Variants in CIT observed in about 807,000 individuals in gnomAD.
CIT encodes the protein citron rho-interacting serine/threonine kinase.
CIT carries 79 observed loss-of-function variants against 272.7 expected under a neutral mutation model. The ratio of observed to expected loss-of-function variants is 0.29; its 90% CI spans 0.24 to 0.35. The LOEUF is 0.35. CIT is among the 10% of genes least tolerant of loss of function. CIT has a pLI of 1.00. For missense variants in CIT, 1,909 were observed against 2,618.3 expected, an observed-to-expected ratio of 0.73 and a Z score of 5.91; for synonymous variants, 948 against 995.6, an observed-to-expected ratio of 0.95 and a Z score of 0.90.
intron 9 of CIT, among the ~76,000 whole-genome samples, chr12:119,816,537 A>G (rs1022081031): frequency 5.9e-5 from 9 of 152,222 alleles, no homozygotes; most frequent in African/African-American, 2.2e-4. Flanking sequence ...CAACTCTAAT[A>G]TGCACAGAAA....
intron 5 of CIT, among the ~76,000 whole-genome samples, chr12:119,843,309 C>T (rs986423678): frequency 6.6e-6 from 1 of 152,062 alleles, no homozygotes; most frequent in African/African-American, 2.4e-5. Context: ...GTTTCAACAG[C>T]GGGCTGACTT....
intron 19 of CIT, 87 bp from the exon 20 acceptor site, chr12:119,761,142 A>C: frequency 9.7e-7 from 1 of 1,027,500 alleles, no homozygotes; most frequent in Non-Finnish European, 1.5e-6. Context: ...AAATCTAGGA[A>C]AGAGGAGAAA....
At chr12:119,839,211 C>T (rs779514596) in intron 5 of CIT, among the ~76,000 whole-genome samples, 6 of 152,260 alleles carry the variant, frequency 3.9e-5, no homozygotes, top group African/African-American at 7.2e-5. Flanking sequence ...GCATTTGAAA[C>T]GAAGGACAAA....
intron 3 of CIT, among the ~76,000 whole-genome samples, chr12:119,862,128 G>A (rs1450823926): frequency 6.6e-6 from 1 of 152,096 alleles, no homozygotes; most frequent in African/African-American, 2.4e-5. Flanking sequence ...GGTCTCCCGA[G>A]TAGCTGGAAC....
At chr12:119,791,663 G>A (rs1018015126) in intron 10 of CIT, among the ~76,000 whole-genome samples, 13 of 152,216 alleles carry the variant, frequency 8.5e-5, no homozygotes, top group South Asian at 4.1e-4. Flanking sequence ...GCGGGTGCAC[G>A]CAGCCACCCG....
chr12:119,819,237 T>C (rs1967472602), intron 9 of CIT, among the ~76,000 whole-genome samples: 1 of 152,182 alleles, frequency 6.6e-6, no homozygotes, highest in African/African-American at 2.4e-5. Flanking sequence ...TGGTGACCCA[T>C]GAGCATGGCA....
intron 13 of CIT, among the ~76,000 whole-genome samples, chr12:119,778,183 C>A (rs1963956843): frequency 6.6e-6 from 1 of 152,212 alleles, no homozygotes; most frequent in Non-Finnish European, 1.5e-5. Flanking sequence ...CTTGAGCAAA[C>A]CCTTTAAGTG....
chr12:119,733,106 T>C (rs278108), intron 26 of CIT, among the ~76,000 whole-genome samples: 117,932 of 152,006 alleles, frequency 0.78, 45,906 homozygotes, highest in Middle Eastern at 0.88. Context: ...CTATGGAGTA[T>C]GCAATTGTGC....
At chr12:119,746,181 T>TTA (rs1959369560) in intron 23 of CIT, among the ~76,000 whole-genome samples, 1 of 152,138 alleles carries the variant, frequency 6.6e-6, no homozygotes, top group Non-Finnish European at 1.5e-5. Flanking sequence ...AATAAGGCCC[T>TTA]TATGTTAACA....
rs560037276 is a variant in CIT, at chr12:119,730,447, A to G, written c.3486+48T>C. ...TTTTTATCAAGCGTGCCTTTAAAAG[A>G]AGGAAACGAAAATGTTTTCCTAAAA... On this transcript the variant is annotated intron_variant, in intron 27 of 47. Coordinates refer to ENST00000392521, the MANE Select transcript of CIT (RefSeq NM_001206999.2). 4.5e-5 allele frequency: 69 copies of G among 1,540,884 alleles called. 2 individuals carry two copies. The South Asian group carries it at 8.0e-4, about 18-fold the overall frequency.
At chr12:119,709,049 T>C (rs1957020624) in intron 39 of CIT, among the ~76,000 whole-genome samples, 2 of 152,230 alleles carry the variant, frequency 1.3e-5, no homozygotes, top group South Asian at 2.1e-4. Context: ...TAGAGAGACA[T>C]GATTAAATGC....
At chr12:119,695,570 C>T (rs1257521719) in intron 46 of CIT, among the ~76,000 whole-genome samples, 3 of 152,146 alleles carry the variant, frequency 2.0e-5, no homozygotes, top group Non-Finnish European at 4.4e-5. Context: ...CCAAGGCGGG[C>T]AGATCACTTG....
At chr12:119,741,482 A>G (rs1959055849) in intron 24 of CIT, among the ~76,000 whole-genome samples, 1 of 152,220 alleles carries the variant, frequency 6.6e-6, no homozygotes. Flanking sequence ...CTACATTATT[A>G]TGTGCTTTAC....
At chr12:119,711,616 A>C (rs1957162577) in intron 37 of CIT, among the ~76,000 whole-genome samples, 1 of 152,126 alleles carries the variant, frequency 6.6e-6, no homozygotes, top group Admixed American at 6.5e-5. Flanking sequence ...CAAGGTCTAC[A>C]ATGCCACCAG....
rs12811611 is a variant in CIT, at chr12:119,836,569, A to G, written c.517-2341T>C. On this transcript the variant is annotated intron_variant, in intron 5 of 47. Coordinates refer to ENST00000392521, the MANE Select transcript of CIT (RefSeq NM_001206999.2). Reference sequence around the variant, plus strand: ...AGGTCTTAAATATCCAAAAAAAGAAAAAGGAAAGAAATTCACAGATAATAA... The same window carrying G: ...AGGTCTTAAATATCCAAAAAAAGAAGAAGGAAAGAAATTCACAGATAATAA... Among the ~76,000 whole-genome samples, 533 of 152,326 alleles carry G rather than the reference A, an allele frequency of 3.5e-3. 1 individual carries two copies. Among genetic ancestry groups the G allele is most frequent in the Non-Finnish European group, 5.3e-3 (358 of 68,034 alleles).
chr12:119,713,689 G>A lies in CIT; in HGVS notation c.4307-41C>T, dbSNP rs1288214972. On this transcript the variant is annotated intron_variant, in intron 33 of 47. Coordinates refer to ENST00000392521, the MANE Select transcript of CIT (RefSeq NM_001206999.2). This position sits in a 1 kb window ranked among gnomAD's most constrained non-coding sequence, Gnocchi z 5.2. ...GAGCAACCTGAGGGCATGCTCAGCT[G>A]ACCCTGGACCCTTCCCTTCCTCTGC... The A allele has an allele frequency of 6.3e-6, 10 of 1,597,040 alleles. No homozygotes were observed. The South Asian group carries it at 6.6e-5, about 11-fold the overall frequency.
intron 2 of CIT, 151 bp downstream of exon 2, chr12:119,875,922 A>G: frequency 1.9e-6 from 1 of 537,400 alleles, no homozygotes; most frequent in Non-Finnish European, 3.3e-6. Context: ...CAGGAGGCGG[A>G]GGTTGCAGTG....
At chr12:119,870,343 G>A (rs1950632119) in intron 2 of CIT, among the ~76,000 whole-genome samples, 2 of 151,886 alleles carry the variant, frequency 1.3e-5, no homozygotes, top group African/African-American at 4.8e-5. Context: ...TTGAGGTCAG[G>A]AGTTTGAGAC....
intron 5 of CIT, among the ~76,000 whole-genome samples, chr12:119,846,956 A>G (rs1969850576): frequency 6.6e-6 from 1 of 150,588 alleles, no homozygotes; most frequent in Non-Finnish European, 1.5e-5. Context: ...AAACCAAAAC[A>G]AACAAAAGCC....
Sources: gnomAD v4.1 joint callset for allele counts (sites outside exome capture counted in the v4.1 genomes callset) on GRCh38, gnomAD v4.1.1 for gene constraint, Gnocchi (gnomAD v3.1) non-coding constraint, MANE v1.5 for transcripts, NCBI Gene and HGNC (gene_info 2026-07-23, HGNC 2026-07-21) for gene names.